The following RFC5 variants were observed in gnomAD, a reference collection of about 807,000 sequenced individuals.
RFC5 encodes the protein A1 36 kDa subunit.
RFC5 carries 26 observed loss-of-function variants against 44.3 expected under a neutral mutation model. The observed-to-expected ratio is 0.59, with a 90% CI of 0.43 to 0.81. The LOEUF is 0.81. Ranked by LOEUF, RFC5 falls within the 40% of genes least tolerant of loss-of-function variation. RFC5 has a pLI of 0.00. For missense variants in RFC5, 328 were observed against 418.6 expected, an observed-to-expected ratio of 0.78 and a Z score of 1.89; for synonymous variants, 155 against 155.2, an observed-to-expected ratio of 1.00 and a Z score of 0.01.
intron 1 of RFC5, 66 bp downstream of exon 1, chr12:118,016,958 C>A: frequency 7.4e-7 from 1 of 1,354,284 alleles, no homozygotes; most frequent in Non-Finnish European, 1.0e-6. Flanking sequence ...GAGGAGGTGG[C>A]TGGGGTGGCA....
chr12:118,033,853 G>A, downstream of RFC5: 1 of 283,718 alleles, frequency 3.5e-6, no homozygotes, highest in Non-Finnish European at 6.9e-6. Context: ...GAGAGGCTCT[G>A]GAGGCCTACT....
chr12:118,034,365 T>C, downstream of RFC5: 2 of 1,612,990 alleles, frequency 1.2e-6, no homozygotes, highest in South Asian at 1.1e-5. Flanking sequence ...TGTCCTAAAA[T>C]GAAACAGAAA....
In RFC5 at chr12:118,020,966, A is replaced by G; in HGVS notation, c.328A>G (p.Ser110Gly). ...TCGAGGACCGATCCTGAGCTTTGCT[A>G]GCACAAGGACAATATTTAAGTAAGA... Reference protein sequence around the residue: ...IIRGPILSFASTRTIFKKGFK... With the variant: ...IIRGPILSFAGTRTIFKKGFK... The change falls in exon 4 of 11, where the codon AGC (serine) becomes GGC (glycine). Residue 110 changes from serine (S) to glycine (G), a missense_variant. Ser to Gly is a moderately conservative substitution (Grantham distance 56). Transcript: ENST00000454402. 1 of 1,606,924 alleles carries G rather than the reference A, an allele frequency of 6.2e-7. No individual in the cohort carries two copies. The highest frequency in any genetic ancestry group is 1.1e-5 in the South Asian group (1 of 90,820).
At chr12:118,022,242 A>T in intron 4 of RFC5, 44 bp from the exon 5 acceptor site, 1 of 1,457,544 alleles carries the variant, frequency 6.9e-7, no homozygotes, top group Non-Finnish European at 9.6e-7. Flanking sequence ...AGATGTTGAG[A>T]TGAGATTGAA....
downstream of RFC5, chr12:118,034,579 C>CTA: frequency 1.8e-6 from 1 of 544,130 alleles, no homozygotes; most frequent in Non-Finnish European, 3.2e-6. Context: ...AAAGCGCTCT[C>CTA]TCTGTCTCTC....
intron 3 of RFC5, 22 bp from the exon 4 acceptor site, chr12:118,020,884 G>T: frequency 6.4e-7 from 1 of 1,557,782 alleles, no homozygotes; most frequent in Non-Finnish European, 8.8e-7. Flanking sequence ...TTTTTGTTTT[G>T]TCTTCTGTCT....
At chr12:118,016,959 T>C (rs1011284968) in intron 1 of RFC5, 67 bp downstream of exon 1, 99 of 1,349,834 alleles carry the variant, frequency 7.3e-5, no homozygotes, top group Non-Finnish European at 1.0e-4. Context: ...AGGAGGTGGC[T>C]GGGGTGGCAG....
At chr12:118,036,391 A>G, downstream of RFC5, 2 of 1,614,210 alleles carry the variant, frequency 1.2e-6, no homozygotes, top group Non-Finnish European at 1.7e-6. Context: ...TCACATTGGT[A>G]TCGTAAGAAG....
intron 10 of RFC5, 134 bp downstream of exon 10, chr12:118,029,959 T>C (rs1307592410): frequency 2.8e-6 from 2 of 720,622 alleles, no homozygotes; most frequent in Non-Finnish European, 2.5e-6. Context: ...TCTGGTGATA[T>C]TGAATGGAAT....
chr12:118,034,406 G>GT, downstream of RFC5: 4 of 1,599,206 alleles, frequency 2.5e-6, no homozygotes, highest in Non-Finnish European at 3.4e-6. Flanking sequence ...GGATGTTCAT[G>GT]TTTTCATGAG....
At chr12:118,030,983 A>G (rs2031281473) in intron 10 of RFC5, among the ~76,000 whole-genome samples, 199 bp from the exon 11 acceptor site, 1 of 152,190 alleles carries the variant, frequency 6.6e-6, no homozygotes, top group Non-Finnish European at 1.5e-5. Flanking sequence ...TTGAAACATC[A>G]CATTTATAAA....
chr12:118,026,153 A>G (rs1221291552), intron 7 of RFC5, among the ~76,000 whole-genome samples: 1 of 151,888 alleles, frequency 6.6e-6, no homozygotes, highest in Non-Finnish European at 1.5e-5. Context: ...TGGTCCCAGC[A>G]AATCCTGAGT....
chr12:118,036,358 G>A (rs775359005), downstream of RFC5: 16 of 1,613,938 alleles, frequency 9.9e-6, no homozygotes, highest in African/African-American at 6.7e-5. Flanking sequence ...TCAGCCTTTC[G>A]CCGGTGTAGG....
intron 5 of RFC5, among the ~76,000 whole-genome samples, chr12:118,022,843 G>T (rs1196363165): frequency 2.0e-5 from 3 of 152,170 alleles, no homozygotes; most frequent in Non-Finnish European, 2.9e-5. Flanking sequence ...TTCTGGCCCA[G>T]AGAAATCTCT....
intron 1 of RFC5, 26 bp downstream of exon 1, chr12:118,016,918 T>A: frequency 6.2e-7 from 1 of 1,602,714 alleles, no homozygotes; most frequent in Non-Finnish European, 8.5e-7. Context: ...GCGGCGGCGG[T>A]GGGCAGAGGG....
intron 9 of RFC5, among the ~76,000 whole-genome samples, chr12:118,028,975 G>A (rs5745875): frequency 0.014 from 2,204 of 152,358 alleles, 38 homozygotes; most frequent in Middle Eastern, 0.071. Context: ...ATGAATGTTG[G>A]TTCTGCCCAG....
intron 4 of RFC5, among the ~76,000 whole-genome samples, chr12:118,021,459 C>T (rs5745821): frequency 0.033 from 5,031 of 151,990 alleles, 272 homozygotes; most frequent in African/African-American, 0.11. Flanking sequence ...GCAATCTGCC[C>T]GCCGCAGCCT....
At chr12:118,039,463 A>C in the RFC5 span, among the ~76,000 whole-genome samples, 3 of 152,178 alleles carry the variant, frequency 2.0e-5, no homozygotes, top group African/African-American at 7.2e-5. Context: ...ATTTTTGTCA[A>C]ACAATGACCC....
chr12:118,033,080 G>A (rs1272745282), downstream of RFC5: 1 of 152,158 alleles, frequency 6.6e-6, no homozygotes, highest in Non-Finnish European at 1.5e-5. Flanking sequence ...AGAATAAGAT[G>A]TTGTATTTCT....
Sources: allele counts gnomAD v4.1 joint callset (sites outside exome capture counted in the v4.1 genomes callset), GRCh38; gene constraint gnomAD v4.1.1; transcripts MANE v1.5; gene names NCBI Gene and HGNC (gene_info 2026-07-23, HGNC 2026-07-21).